GFOD1: variants seen among roughly 807,000 people sequenced by gnomAD.
The protein encoded by GFOD1 is Gfo/Idh/MocA-like oxidoreductase domain containing 1.
GFOD1 carries 9 observed loss-of-function variants against 25.4 expected under a neutral mutation model. The ratio of observed to expected loss-of-function variants is 0.35; its 90% CI spans 0.21 to 0.62. GFOD1 has a LOEUF of 0.62. Among genes scored for constraint, GFOD1 ranks in the 20% least tolerant of loss-of-function variants. GFOD1 has a pLI of 0.72. For missense variants in GFOD1, 403 were observed against 556.9 expected, an observed-to-expected ratio of 0.72 and a Z score of 2.78; for synonymous variants, 253 against 245.6, an observed-to-expected ratio of 1.03 and a Z score of -0.28.
At chr6:13,405,620 T>C (rs1785930200) in intron 1 of GFOD1, among the ~76,000 whole-genome samples, 1 of 152,128 alleles carries the variant, frequency 6.6e-6, no homozygotes, top group East Asian at 1.9e-4. Flanking sequence ...GAAAAGAACC[T>C]CTACATTAGA....
At chr6:13,374,269 TTTTTTGTGTG>T (rs1415447392) in intron 1 of GFOD1, among the ~76,000 whole-genome samples, 4 of 121,876 alleles carry the variant, frequency 3.3e-5, no homozygotes, top group African/African-American at 7.7e-5. Context: ...AATATGTTTT[TTTTTTGTGTG>T]TGTGTGTGTG....
At chr6:13,442,287 AT>A (rs1757930180) in intron 1 of GFOD1, among the ~76,000 whole-genome samples, 1 of 152,136 alleles carries the variant, frequency 6.6e-6, no homozygotes, top group African/African-American at 2.4e-5. Flanking sequence ...CAGCTATTGC[AT>A]TTTTTTAAAC....
At chr6:13,444,945 A>G (rs1757980239) in intron 1 of GFOD1, among the ~76,000 whole-genome samples, 1 of 152,238 alleles carries the variant, frequency 6.6e-6, no homozygotes, top group Admixed American at 6.5e-5. Flanking sequence ...TTAAATATGT[A>G]TCTTTTCATC....
In GFOD1 at chr6:13,365,640, G is replaced by A. The variant is rs756034259; in HGVS notation, c.276C>T (p.Cys92=). ...CGTCCAGCGGCGTGGCCGTGCGGTCGCAGATGACGTTCTTGCCGATGCCTG... is the reference window on the plus strand; with the variant it reads ...CGTCCAGCGGCGTGGCCGTGCGGTCACAGATGACGTTCTTGCCGATGCCTG... ...KTLGIGKNVI[C]DRTATPLDAF... The change falls in exon 2 of 2, where the codon TGC becomes TGT. Residue 92 remains cysteine, a synonymous_variant. Transcript: ENST00000379287. This position sits in a 1 kb window ranked among gnomAD's most constrained non-coding sequence, Gnocchi z 9.2. 2.3e-5 allele frequency: 36 copies of A among 1,596,452 alleles called. 1 individual carries two copies. The highest frequency in any genetic ancestry group is 5.9e-6 in the Non-Finnish European group (7 of 1,177,186).
intron 1 of GFOD1, among the ~76,000 whole-genome samples, chr6:13,432,420 T>C (rs915587997): frequency 1.1e-4 from 17 of 151,862 alleles, no homozygotes; most frequent in African/African-American, 4.1e-4. Context: ...TCTCACTAGG[T>C]TGGTCTCAAA....
chr6:13,424,690 T>G (rs1048859196), intron 1 of GFOD1, among the ~76,000 whole-genome samples: 23 of 152,132 alleles, frequency 1.5e-4, no homozygotes, highest in Admixed American at 5.2e-4. Context: ...AAAATATTAA[T>G]AGTGGTTATT....
At chr6:13,434,114 T>G (rs916492522) in intron 1 of GFOD1, among the ~76,000 whole-genome samples, 42 of 152,292 alleles carry the variant, frequency 2.8e-4, no homozygotes, top group Middle Eastern at 3.4e-3. Context: ...CAGGGCATTA[T>G]GGGAACACAG....
intron 1 of GFOD1, among the ~76,000 whole-genome samples, chr6:13,393,811 G>C (rs574647167): frequency 9.5e-6 from 1 of 105,066 alleles, no homozygotes; most frequent in Admixed American, 1.5e-4. Context: ...ACGGAGTTTC[G>C]CTCTGCCGCC....
In GFOD1 at chr6:13,469,188, C is replaced by G. The variant is rs1758432665; in HGVS notation, c.253+17450G>C. ...GTAAAGAGGCCACTGGTCACATCCC[C>G]TAAAGAATCCCTGTTGGTAACAGCA... On this transcript the variant is annotated intron_variant, in intron 1 of 1. Transcript: ENST00000379287. 5.2e-6 allele frequency: 5 copies of G among 969,640 alleles called. No homozygotes were observed. In the South Asian group the frequency reaches 1.9e-4, roughly 37 times the overall value. The allele number at this position is 969,640 out of a possible 1,614,324, so 60.1% of individuals were successfully genotyped here.
intron 1 of GFOD1, among the ~76,000 whole-genome samples, chr6:13,383,109 G>C (rs1785398913): frequency 6.6e-6 from 1 of 152,130 alleles, no homozygotes; most frequent in Admixed American, 6.5e-5. Flanking sequence ...TTGCTATTGT[G>C]AACAGTGCTG....
intron 1 of GFOD1, among the ~76,000 whole-genome samples, chr6:13,444,554 T>C (rs1306062480): frequency 6.6e-6 from 1 of 152,166 alleles, no homozygotes; most frequent in African/African-American, 2.4e-5. Context: ...TGGAAAATTC[T>C]TTATCCTAAT....
Position 13,369,680 on chromosome 6 carries a change from T to C in GFOD1, c.254-4018A>G, listed in dbSNP as rs78145205. On this transcript the variant is annotated intron_variant, in intron 1 of 1. Transcript: ENST00000379287. The stretch of plus-strand genomic sequence containing the variant: ...GTCTCAAAACAAAAAACAAAACAAC[T>C]ATGAGCAACGCAAATACCCAACAGA... 3.6e-3 allele frequency among the ~76,000 whole-genome samples: 550 copies of C among 152,116 alleles called. 3 individuals carry two copies. Among genetic ancestry groups the C allele is most frequent in the East Asian group, 0.021 (106 of 5,166 alleles).
intron 1 of GFOD1, among the ~76,000 whole-genome samples, chr6:13,405,420 A>T (rs1785926095): frequency 6.6e-6 from 1 of 152,222 alleles, no homozygotes; most frequent in Non-Finnish European, 1.5e-5. Flanking sequence ...CAGTATAAAC[A>T]TTTCTCTTTC....
intron 1 of GFOD1, among the ~76,000 whole-genome samples, chr6:13,370,337 CACGG>C (rs1178592760): frequency 6.6e-6 from 1 of 152,250 alleles, no homozygotes; most frequent in Non-Finnish European, 1.5e-5. Context: ...GAAGCCCATG[CACGG>C]ATCCCCTCCG....
intron 1 of GFOD1, among the ~76,000 whole-genome samples, chr6:13,483,233 G>A (rs1758792155): frequency 1.3e-5 from 2 of 152,154 alleles, no homozygotes; most frequent in East Asian, 3.9e-4. Context: ...GTTTGAGGGA[G>A]AGGAAGCGGT....
rs1351362292 is a variant in GFOD1, at chr6:13,386,035, C to T, written c.254-20373G>A. On this transcript the variant is annotated intron_variant, in intron 1 of 1. Transcript: ENST00000379287. ...CCATTCCCTTATCCTATCTGTTGCCCCAGGCCAGGGAGTTTGGGTAATTCC... is the reference window on the plus strand; with the variant it reads ...CCATTCCCTTATCCTATCTGTTGCCTCAGGCCAGGGAGTTTGGGTAATTCC... Among the ~76,000 whole-genome samples the T allele has an allele frequency of 3.3e-5, 5 of 151,306 alleles. No homozygotes were observed. The Admixed American group carries it at 3.3e-4, about 10-fold the overall frequency.
chr6:13,432,056 C>T (rs1757758866), intron 1 of GFOD1, among the ~76,000 whole-genome samples: 1 of 152,134 alleles, frequency 6.6e-6, no homozygotes, highest in Admixed American at 6.5e-5. Flanking sequence ...TCAGCCCCAG[C>T]AAGGCCCAAG....
At chr6:13,374,271 T>TGTGTGTG (rs1554199401) in intron 1 of GFOD1, among the ~76,000 whole-genome samples, 11 of 134,470 alleles carry the variant, frequency 8.2e-5, no homozygotes, top group South Asian at 4.7e-4. Flanking sequence ...TATGTTTTTT[T>TGTGTGTG]TTTGTGTGTG....
intron 1 of GFOD1, among the ~76,000 whole-genome samples, chr6:13,389,822 C>T (rs1223223104): frequency 1.3e-5 from 2 of 152,142 alleles, no homozygotes; most frequent in East Asian, 3.9e-4. Context: ...TTTCCAAATA[C>T]TGACACATAC....
Sources: gnomAD v4.1 joint callset for allele counts (sites outside exome capture counted in the v4.1 genomes callset) on GRCh38, gnomAD v4.1.1 for gene constraint, Gnocchi (gnomAD v3.1) non-coding constraint, MANE v1.5 for transcripts, NCBI Gene and HGNC (gene_info 2026-07-23, HGNC 2026-07-21) for gene names.